The following CNBD1 variants were observed in gnomAD, a reference collection of about 807,000 sequenced individuals.
CNBD1 encodes the protein cyclic nucleotide-binding domain-containing protein 1.
Under a neutral mutation model 54.4 loss-of-function variants are expected in CNBD1, and 71 were observed. The ratio of observed to expected loss-of-function variants is 1.30; its 90% CI spans 1.08 to 1.59. The LOEUF (loss-of-function observed/expected upper bound fraction) is 1.59. Among genes scored for constraint, CNBD1 ranks in the 40% most tolerant of loss-of-function variants. The pLI, the probability that CNBD1 is intolerant of heterozygous loss-of-function variation, is 0.00. For synonymous variants in CNBD1, 182 were observed against 170.7 expected, an observed-to-expected ratio of 1.07 and a Z score of -0.51; for missense variants, 659 against 518.0, an observed-to-expected ratio of 1.27 and a Z score of -2.64.
At position 87,350,766 on chromosome 8, in the gene CNBD1, G is replaced by A. The variant is rs545184716; in HGVS notation, c.1043-919G>A. On this transcript the variant is annotated intron_variant, in intron 8 of 10. Transcript: ENST00000518476. Reference sequence around the variant, plus strand: ...AGTTTTCAGAATTAAATATTGATATGTTTCAGATTTCATAACGTAGAAAAT... The same window carrying A: ...AGTTTTCAGAATTAAATATTGATATATTTCAGATTTCATAACGTAGAAAAT... Among the ~76,000 whole-genome samples, 6 of 151,860 alleles carry A rather than the reference G, an allele frequency of 4.0e-5. No individual in the cohort carries two copies. The South Asian group carries it at 1.2e-3, about 31-fold the overall frequency.
At chr8:87,320,996 A>G (rs1809513558) in intron 8 of CNBD1, among the ~76,000 whole-genome samples, 1 of 152,114 alleles carries the variant, frequency 6.6e-6, no homozygotes, top group African/African-American at 2.4e-5. Flanking sequence ...TTCACTTAGA[A>G]TAATATTCTC....
At chr8:86,930,205 A>G (rs987191147) in intron 3 of CNBD1, among the ~76,000 whole-genome samples, 5 of 152,220 alleles carry the variant, frequency 3.3e-5, no homozygotes, top group African/African-American at 1.2e-4. Flanking sequence ...CAGCAAGGAC[A>G]AGCCAGTATA....
intron 10 of CNBD1, among the ~76,000 whole-genome samples, chr8:87,364,927 A>G (rs931728791): frequency 6.6e-6 from 1 of 152,062 alleles, no homozygotes; most frequent in African/African-American, 2.4e-5. Context: ...TGTCTTTGCT[A>G]TTATGAGCAG....
intron 4 of CNBD1, among the ~76,000 whole-genome samples, chr8:87,072,382 T>C (rs1219511162): frequency 6.6e-6 from 1 of 152,164 alleles, no homozygotes; most frequent in Non-Finnish European, 1.5e-5. Flanking sequence ...CTTGTTTATG[T>C]GGTTGCTTCA....
chr8:87,035,786 C>A (rs1809925245), intron 4 of CNBD1, among the ~76,000 whole-genome samples: 1 of 152,104 alleles, frequency 6.6e-6, no homozygotes, highest in South Asian at 2.1e-4. Context: ...GGCAGCCCGG[C>A]TCCATGGAGT....
At chr8:87,344,886 CTAA>C (rs1406488548) in intron 8 of CNBD1, among the ~76,000 whole-genome samples, 1 of 152,054 alleles carries the variant, frequency 6.6e-6, no homozygotes, top group Non-Finnish European at 1.5e-5. Context: ...GATGAGGTAA[CTAA>C]TCAGTGTATA....
At chr8:87,365,479 A>G (rs1810624856) in intron 10 of CNBD1, among the ~76,000 whole-genome samples, 1 of 151,990 alleles carries the variant, frequency 6.6e-6, no homozygotes, top group South Asian at 2.1e-4. Flanking sequence ...CCACAGTAAA[A>G]TGTTGAATAT....
chr8:87,094,987 C>A (rs576667336), intron 4 of CNBD1, among the ~76,000 whole-genome samples: 1 of 152,250 alleles, frequency 6.6e-6, no homozygotes, highest in South Asian at 2.1e-4. Flanking sequence ...TGCAATGAGC[C>A]GAGATCACGC....
At chr8:87,390,306 C>G (rs1229557885) in intron 2 of CNBD1, among the ~76,000 whole-genome samples, 5 of 152,108 alleles carry the variant, frequency 3.3e-5, no homozygotes, top group Non-Finnish European at 7.4e-5. Flanking sequence ...TCAGAGTGAA[C>G]AGGCAACCTA....
chr8:87,363,329 G>A (rs1268575635), intron 10 of CNBD1, among the ~76,000 whole-genome samples: 1 of 152,050 alleles, frequency 6.6e-6, no homozygotes, highest in African/African-American at 2.4e-5. Context: ...TGCCTTTATA[G>A]TAGAATGATT....
rs113556023 is a variant in CNBD1, at chr8:87,195,086, C to T, written c.432-10907C>T. ...TTTTAGTAGAGACAGGGTTTCACCA[C>T]GTTGGCTGGGCTGGTTTCGAACTCC... On this transcript the variant is annotated intron_variant, in intron 4 of 10. Coordinates refer to ENST00000518476, the MANE Select transcript of CNBD1 (RefSeq NM_173538.3). 3.3e-4 allele frequency among the ~76,000 whole-genome samples: 50 copies of T among 151,704 alleles called. 1 individual carries two copies. Among genetic ancestry groups the T allele is most frequent in the South Asian group, 1.0e-3 (5 of 4,800 alleles).
At chr8:87,022,544 G>T (rs1163183603) in intron 4 of CNBD1, among the ~76,000 whole-genome samples, 1 of 152,146 alleles carries the variant, frequency 6.6e-6, no homozygotes, top group Non-Finnish European at 1.5e-5. Flanking sequence ...GAAAATACTG[G>T]AAGCTTTATG....
rs1326885239 is a variant in CNBD1, at chr8:86,969,151, C to CT, written c.431+29398dup. ...TTATTTTCCTTTCACAACTTATTTA[C>CT]TGTTTTTTTTCTCTGCATTTTCTCA... On this transcript the variant is annotated intron_variant, in intron 4 of 10. Coordinates refer to ENST00000518476, the MANE Select transcript of CNBD1 (RefSeq NM_173538.3). Among the ~76,000 whole-genome samples, 3 of 152,054 alleles carry CT rather than the reference C, an allele frequency of 2.0e-5. No individual in the cohort carries two copies. In the East Asian group the frequency reaches 5.8e-4, roughly 29 times the overall value.
In CNBD1 at chr8:87,382,667, T is replaced by C; in HGVS notation, c.*40T>C. 6.9e-7 allele frequency: 1 copy of C among 1,450,690 alleles called. No individual in the cohort carries two copies. The highest frequency in any genetic ancestry group is 1.2e-5 in the South Asian group (1 of 80,044). The allele number at this position is 1,450,690 out of a possible 1,614,324, so 89.9% of individuals were successfully genotyped here. A position where few individuals can be genotyped will look rare whatever the true frequency, so the allele number is the denominator to read the frequency against. On this transcript the variant is annotated 3_prime_UTR_variant, in exon 11 of 11. Coordinates refer to ENST00000518476, the MANE Select transcript of CNBD1 (RefSeq NM_173538.3). ...TCAGTGAACATTAATTAAGAAAGTA[T>C]TGACTAAATAATGGAATAATTGCAT... is the stretch of plus-strand genomic sequence containing the variant.
chr8:86,993,582 G>A (rs542125044), intron 4 of CNBD1, among the ~76,000 whole-genome samples: 3 of 152,308 alleles, frequency 2.0e-5, no homozygotes, highest in African/African-American at 7.2e-5. Flanking sequence ...ATCTGAGAAG[G>A]CTGGTGTTCT....
chr8:87,190,829 G>T (rs1269384006), intron 4 of CNBD1, among the ~76,000 whole-genome samples: 1 of 107,998 alleles, frequency 9.3e-6, no homozygotes, highest in Non-Finnish European at 2.0e-5. Context: ...CCAATAGGAG[G>T]TACATATGTA....
At chr8:87,334,394 C>T (rs1339515448) in intron 8 of CNBD1, among the ~76,000 whole-genome samples, 1 of 151,918 alleles carries the variant, frequency 6.6e-6, no homozygotes, top group Non-Finnish European at 1.5e-5. Context: ...CCACTCTGAT[C>T]TCAGTCATTT....
downstream of CNBD1, among the ~76,000 whole-genome samples, chr8:87,385,407 TCACTGC>T (rs1423016710): frequency 6.6e-6 from 1 of 151,852 alleles, no homozygotes; most frequent in African/African-American, 2.4e-5. Context: ...GAAAATCGGG[TCACTGC>T]CACCCTAATA....
chr8:87,416,949 A>G (rs977230810), intron 2 of CNBD1, among the ~76,000 whole-genome samples: 13 of 152,084 alleles, frequency 8.5e-5, no homozygotes, highest in African/African-American at 3.1e-4. Flanking sequence ...CCAGAAATGC[A>G]GTCTGTATCT....
Sources: gnomAD v4.1 joint callset for allele counts (sites outside exome capture counted in the v4.1 genomes callset) on GRCh38, gnomAD v4.1.1 for gene constraint, MANE v1.5 for transcripts, NCBI Gene and HGNC (gene_info 2026-07-23, HGNC 2026-07-21) for gene names.